PAK1: variants seen among roughly 807,000 people sequenced by gnomAD.
PAK1 encodes the protein serine/threonine-protein kinase PAK 1.
A neutral mutation model predicts 67.4 loss-of-function variants in PAK1; 29 were observed. That is an observed-to-expected ratio of 0.43 (90% CI 0.32 to 0.59). The LOEUF (loss-of-function observed/expected upper bound fraction) is 0.59. PAK1 is among the 20% of genes least tolerant of loss of function. The pLI is 0.07. For synonymous variants in PAK1, 223 were observed against 237.4 expected (o/e 0.94, Z 0.56); for missense variants, 337 against 670.7 (o/e 0.50, Z 5.50).
intron 1 of PAK1, among the ~76,000 whole-genome samples, chr11:77,431,722 A>G (rs1955869416): frequency 6.6e-6 from 1 of 152,206 alleles, no homozygotes; most frequent in Non-Finnish European, 1.5e-5. Flanking sequence ...ACCTAAGTGA[A>G]GAAGCCCCAC....
At chr11:77,323,907 TG>T (rs1411811829) in intron 14 of PAK1, among the ~76,000 whole-genome samples, 1 of 152,158 alleles carries the variant, frequency 6.6e-6, no homozygotes, top group Non-Finnish European at 1.5e-5. Context: ...TAATTACCTC[TG>T]GGGAAGGTAT....
At chr11:77,525,391 G>A in the PAK1 span, among the ~76,000 whole-genome samples, 4 of 152,192 alleles carry the variant, frequency 2.6e-5, no homozygotes, top group South Asian at 2.1e-4. Flanking sequence ...GAGTGATCAG[G>A]ACATTTATTA....
chr11:77,366,746 G>A (rs1050102726), intron 5 of PAK1, among the ~76,000 whole-genome samples: 12 of 152,194 alleles, frequency 7.9e-5, no homozygotes, highest in African/African-American at 2.9e-4. Context: ...TTAATTGCTA[G>A]TGGGAATATA....
chr11:77,481,673 C>CAAAAAAAAA, the PAK1 span, among the ~76,000 whole-genome samples: 409 of 94,348 alleles, frequency 4.3e-3, 7 homozygotes, highest in African/African-American at 0.015. Context: ...GACTCCATCT[C>CAAAAAAAAA]AAAAAAAAAA....
intron 1 of PAK1, among the ~76,000 whole-genome samples, chr11:77,460,715 CGAA>C (rs1370033027): frequency 1.3e-5 from 2 of 151,528 alleles, no homozygotes; most frequent in Non-Finnish European, 2.9e-5. Context: ...GAGGAGCAAG[CGAA>C]GAAGAGATGA....
At chr11:77,513,386 T>C in the PAK1 span, among the ~76,000 whole-genome samples, 1 of 151,884 alleles carries the variant, frequency 6.6e-6, no homozygotes, top group Non-Finnish European at 1.5e-5. Flanking sequence ...ATAGTCTTTC[T>C]GGCCAGGCAT....
intron 9 of PAK1, 115 bp downstream of exon 9, chr11:77,349,124 C>CAAAAA: frequency 1.4e-5 from 7 of 510,676 alleles, no homozygotes; most frequent in Admixed American, 3.7e-5. Flanking sequence ...GACCCCATCC[C>CAAAAA]AAAAAAAAAA....
Position 77,325,183 on chromosome 11 carries a change from T to C in PAK1, c.1552-1823A>G, listed in dbSNP as rs1939486586. On this transcript the variant is annotated intron_variant, in intron 14 of 14. Transcript: ENST00000356341. ...CAACATCGAATTGGGAGGCCTCAGT[T>C]TCCTTCTCTGTCTAATAAACAAAAC... The C allele has an allele frequency of 1.3e-5, 11 of 855,122 alleles. No individual in the cohort carries two copies. The South Asian group carries it at 2.4e-4, about 18-fold the overall frequency. The allele number at this position is 855,122 out of a possible 1,614,324, so 53.0% of individuals were successfully genotyped here.
At chr11:77,516,006 G>A in the PAK1 span, among the ~76,000 whole-genome samples, 1 of 152,196 alleles carries the variant, frequency 6.6e-6, no homozygotes, top group Non-Finnish European at 1.5e-5. Flanking sequence ...ATGGAAAGAA[G>A]AAGGGCTTTA....
At chr11:77,391,450 G>A (rs1420123138) in intron 2 of PAK1, among the ~76,000 whole-genome samples, 1 of 152,182 alleles carries the variant, frequency 6.6e-6, no homozygotes, top group Non-Finnish European at 1.5e-5. Context: ...AGATCAGAAA[G>A]CTGGTAAGTG....
the PAK1 span, among the ~76,000 whole-genome samples, chr11:77,529,702 A>G: frequency 6.6e-6 from 1 of 152,174 alleles, no homozygotes; most frequent in African/African-American, 2.4e-5. Flanking sequence ...CAGCATCTCA[A>G]AGGAGAAGAT....
chr11:77,459,118 T>G (rs574710584), intron 1 of PAK1, among the ~76,000 whole-genome samples: 3 of 152,146 alleles, frequency 2.0e-5, no homozygotes, highest in South Asian at 2.1e-4. Context: ...TTTAGAGAGA[T>G]AGAGTAGGGT....
intron 6 of PAK1, 92 bp downstream of exon 6, chr11:77,358,806 G>T: frequency 7.9e-7 from 1 of 1,269,706 alleles, no homozygotes; most frequent in Non-Finnish European, 1.1e-6. Context: ...ACGCCTACCA[G>T]AATATTAAAC....
the PAK1 span, among the ~76,000 whole-genome samples, chr11:77,529,731 G>A: frequency 6.6e-6 from 1 of 152,174 alleles, no homozygotes; most frequent in African/African-American, 2.4e-5. Flanking sequence ...GAGTTTTGAA[G>A]GATGAGCAGA....
chr11:77,352,241 T>C (rs767580786), intron 8 of PAK1, among the ~76,000 whole-genome samples: 3 of 152,160 alleles, frequency 2.0e-5, no homozygotes, highest in Non-Finnish European at 2.9e-5. Flanking sequence ...AAATAACCAC[T>C]ATTCTGACTT....
the PAK1 span, among the ~76,000 whole-genome samples, chr11:77,489,692 C>T: frequency 6.6e-6 from 1 of 151,466 alleles, no homozygotes; most frequent in Non-Finnish European, 1.5e-5. Flanking sequence ...CGCGAGTGAT[C>T]CGCCAGCCTC....
upstream of PAK1, chr11:77,476,062 C>T (rs1000586408): frequency 7.2e-5 from 11 of 152,264 alleles, no homozygotes; most frequent in African/African-American, 2.2e-4. Context: ...CCCAGCTACT[C>T]AGGAGGCTGA....
At chr11:77,433,438 T>C (rs557809794) in intron 1 of PAK1, among the ~76,000 whole-genome samples, 1 of 152,274 alleles carries the variant, frequency 6.6e-6, no homozygotes, top group South Asian at 2.1e-4. Context: ...AAAACATATA[T>C]TTGATAGGAG....
intron 5 of PAK1, among the ~76,000 whole-genome samples, chr11:77,360,740 G>A (rs192665923): frequency 3.5e-4 from 53 of 152,270 alleles, no homozygotes; most frequent in Middle Eastern, 3.4e-3. Context: ...TTATTACCCA[G>A]ATTTTTACTT....
Sources: allele counts gnomAD v4.1 joint callset (sites outside exome capture counted in the v4.1 genomes callset), GRCh38; gene constraint gnomAD v4.1.1; transcripts MANE v1.5; gene names NCBI Gene and HGNC (gene_info 2026-07-23, HGNC 2026-07-21).